Variants in FCGR3A observed in about 807,000 individuals in gnomAD.
The protein encoded by FCGR3A is Fc gamma receptor IIIa, also known as low affinity immunoglobulin gamma Fc region receptor III-A.
A neutral mutation model predicts 24.1 loss-of-function variants in FCGR3A; 13 were observed. The observed-to-expected ratio is 0.54, with a 90% CI of 0.35 to 0.86. The LOEUF is 0.86. Among genes scored for constraint, FCGR3A ranks in the 40% least tolerant of loss-of-function variants. The pLI, the probability that FCGR3A is intolerant of heterozygous loss-of-function variation, is 0.01. For synonymous variants in FCGR3A, 93 were observed against 112.2 expected, an observed-to-expected ratio of 0.83 and a Z score of 1.08; for missense variants, 235 against 298.0, an observed-to-expected ratio of 0.79 and a Z score of 1.56.
rs763344006 is a variant in FCGR3A at position 161,543,005 on chromosome 1, A to AT, written c.*6dup. The AT allele has an allele frequency of 3.7e-6, 6 of 1,605,080 alleles. No homozygotes were observed. The highest frequency in any genetic ancestry group is 2.6e-6 in the Non-Finnish European group (3 of 1,174,478). ...CTACTGCTCTTATTACCCCCATGGGATGGGGGTCATTTGTCTTGAGGGTCC... is the reference window on the plus strand; with the variant it reads ...CTACTGCTCTTATTACCCCCATGGGATTGGGGGTCATTTGTCTTGAGGGTCC... On this transcript the variant is annotated 3_prime_UTR_variant, in exon 5 of 5. Transcript: ENST00000443193.
intron 3 of FCGR3A, among the ~76,000 whole-genome samples, chr1:161,545,959 G>A (rs1297180391): frequency 2.0e-5 from 3 of 152,060 alleles, no homozygotes; most frequent in Non-Finnish European, 2.9e-5. Context: ...GAGTGGGACT[G>A]AAGGACATTT....
intron 3 of FCGR3A, among the ~76,000 whole-genome samples, chr1:161,546,201 T>C (rs554017686): frequency 6.6e-6 from 1 of 152,222 alleles, no homozygotes; most frequent in South Asian, 2.1e-4. Flanking sequence ...CTTCATTACC[T>C]ATTAAGAGAT....
In FCGR3A at chr1:161,548,619, C is replaced by A. The variant is rs143657896; in HGVS notation, c.121G>T (p.Asp41Tyr). ...EPQWYRVLEK[D>Y]SVTLKCQGAY... ...CCCTGGCACTTCAGAGTCACACTGTCCTTCTCGAGCACCCTGTACCATTGA... is the reference window on the plus strand; with the variant it reads ...CCCTGGCACTTCAGAGTCACACTGTACTTCTCGAGCACCCTGTACCATTGA... Residue 41 changes from aspartate (D) to tyrosine (Y), a missense_variant, in exon 3 of 5, where the codon GAC becomes TAC. Transcript: ENST00000443193. The A allele has an allele frequency of 3.5e-5, 57 of 1,613,924 alleles. No homozygotes were observed. The African/African-American group carries it at 7.1e-4, about 20-fold the overall frequency.
At chr1:161,545,055 G>T in intron 3 of FCGR3A, 97 bp from the exon 4 acceptor site, 1 of 1,525,084 alleles carries the variant, frequency 6.6e-7, no homozygotes, top group Non-Finnish European at 8.8e-7. Context: ...AGACATAAGG[G>T]AAAGCCAGAT....
upstream of FCGR3A, chr1:161,549,940 G>T (rs1038242786): frequency 2.3e-5 from 33 of 1,448,436 alleles, no homozygotes; most frequent in Non-Finnish European, 2.9e-5. Context: ...GGACCAGGAA[G>T]GAAAGAGCCT....
Position 161,541,859 on chromosome 1 carries a change from G to A in FCGR3A, c.*1153C>T, listed in dbSNP as rs397686458. ...CTTTATTGGAACCAAGAAATGTTGC[G>A]CTTAAAGCTTACAAAACAGAGACAG... is the stretch of plus-strand genomic sequence containing the variant. On this transcript the variant is annotated 3_prime_UTR_variant, in exon 5 of 5. Transcript: ENST00000443193. 18 of 152,270 alleles carry A rather than the reference G, an allele frequency of 1.2e-4. No homozygotes were observed. The highest frequency in any genetic ancestry group is 1.5e-4 in the Non-Finnish European group (10 of 67,994). The allele number at this position is 152,270 out of a possible 1,614,324, so 9.4% of individuals were successfully genotyped here.
At chr1:161,549,941 G>A (rs1677679239), upstream of FCGR3A, 2 of 1,440,624 alleles carry the variant, frequency 1.4e-6, no homozygotes, top group Non-Finnish European at 1.9e-6. Context: ...GACCAGGAAG[G>A]AAAGAGCCTG....
intron 2 of FCGR3A, 115 bp downstream of exon 2, chr1:161,548,896 C>G: frequency 1.7e-6 from 2 of 1,163,188 alleles, no homozygotes; most frequent in Admixed American, 3.9e-5. Flanking sequence ...GAGGAACTAT[C>G]CCTGCTAACC....
rs535486490 is a variant in FCGR3A at position 161,547,690 on chromosome 1, T to A, written c.319+731A>T. Among the ~76,000 whole-genome samples, 47 of 152,302 alleles carry A rather than the reference T, an allele frequency of 3.1e-4. No homozygotes were observed. In the Middle Eastern group the frequency reaches 0.021, roughly 67 times the overall value. On this transcript the variant is annotated intron_variant, in intron 3 of 4. Coordinates refer to ENST00000443193, the MANE Select transcript of FCGR3A (RefSeq NM_000569.8). ...AAGATATGATGCTAGGCCACTAGGA[T>A]TGCTTTGGGAGGTGGCTTAGGGCAT...
At chr1:161,544,611 C>A in intron 4 of FCGR3A, 90 bp downstream of exon 4, 2 of 1,470,132 alleles carry the variant, frequency 1.4e-6, no homozygotes, top group Non-Finnish European at 1.9e-6. Flanking sequence ...GTGTAAGAAT[C>A]AGGAATCTCC....
upstream of FCGR3A, chr1:161,549,966 G>T (rs906555049): frequency 3.5e-6 from 4 of 1,144,732 alleles, no homozygotes; most frequent in Non-Finnish European, 4.9e-6. Flanking sequence ...CAAGGTGGGT[G>T]GGTCTGCCCC....
chr1:161,544,774 G>A lies in FCGR3A; in HGVS notation c.504C>T (p.Gly168=), dbSNP rs1452264401. ...CAAAAAGCCCCCTGCAGAAGTAGGA[G>A]CCGCTGTCTTTGAGTGTGGCTTTTG... ...YIPKATLKDS[G]SYFCRGLFGS... The change falls in exon 4 of 5, where the codon GGC becomes GGT. Residue 168 remains glycine, a synonymous_variant. Coordinates refer to ENST00000443193, the MANE Select transcript of FCGR3A (RefSeq NM_000569.8). 1.9e-6 allele frequency: 3 copies of A among 1,613,590 alleles called. No homozygotes were observed. Among genetic ancestry groups the A allele is most frequent in the Middle Eastern group, 1.7e-4 (1 of 6,052 alleles).
In FCGR3A at chr1:161,549,696, C is replaced by T; in HGVS notation, c.40+1G>A. 3 of 1,613,682 alleles carry T rather than the reference C, an allele frequency of 1.9e-6. No individual in the cohort carries two copies. In the South Asian group the frequency reaches 3.3e-5, roughly 18 times the overall value. The stretch of plus-strand genomic sequence containing the variant: ...CCTCAACCAGGGAGACCCTGACTTA[C>T]CTAGAAGTAGCAGAGCAGTTGGGAG... On this transcript the variant is annotated splice_donor_variant, in intron 1 of 4. Coordinates refer to ENST00000443193, the MANE Select transcript of FCGR3A (RefSeq NM_000569.8). LOFTEE classifies it high-confidence loss of function.
intron 4 of FCGR3A, 128 bp downstream of exon 4, chr1:161,544,573 C>T: frequency 3.1e-6 from 3 of 978,126 alleles, no homozygotes; most frequent in Non-Finnish European, 3.0e-6. Flanking sequence ...TGGTGATCAC[C>T]AGGAGGGAAC....
chr1:161,543,148 G>A lies in FCGR3A; in HGVS notation c.629C>T (p.Ser210Phe), dbSNP rs1677209128. The A allele has an allele frequency of 1.2e-6, 2 of 1,613,476 alleles. No homozygotes were observed. Among genetic ancestry groups the A allele is most frequent in the East Asian group, 4.5e-5 (2 of 44,880 alleles). The change falls in exon 5 of 5, where the codon TCT becomes TTT. Residue 210 changes from serine to phenylalanine, a missense_variant. Physicochemically the swap from Ser to Phe is radical, Grantham distance 155. Coordinates refer to ENST00000443193, the MANE Select transcript of FCGR3A (RefSeq NM_000569.8). The stretch of plus-strand genomic sequence containing the variant: ...AAGGAGTACCATCACCAAGCAGAAA[G>A]AGACTTGGTACCCAGGTGGAAAGAA... Reference protein sequence around the residue: ...SSFFPPGYQVSFCLVMVLLFA... With the variant: ...SSFFPPGYQVFFCLVMVLLFA...
intron 1 of FCGR3A, 80 bp downstream of exon 1, chr1:161,549,617 C>A: frequency 6.3e-7 from 1 of 1,583,708 alleles, no homozygotes; most frequent in Non-Finnish European, 8.6e-7. Flanking sequence ...GTGGGAGTCT[C>A]ATTCGTAGCC....
At position 161,549,804 on chromosome 1, in the gene FCGR3A, C is replaced by G; in HGVS notation, c.-68G>C. On this transcript the variant is annotated 5_prime_UTR_variant, in exon 1 of 5. Transcript: ENST00000443193. ...CCCTAAAGGGACCAAACCGACTAGA[C>G]AGGAGGAAGTAAACAGCCTTTCCCC... is the stretch of plus-strand genomic sequence containing the variant. 2 of 1,613,862 alleles carry G rather than the reference C, an allele frequency of 1.2e-6. No homozygotes were observed. Among genetic ancestry groups the G allele is most frequent in the Non-Finnish European group, 1.7e-6 (2 of 1,179,890 alleles).
Position 161,544,717 on chromosome 1 carries a change from GTTCACA to G in FCGR3A, c.555_560del (p.Val186_Asn187del). The G allele has an allele frequency of 6.2e-7, 1 of 1,611,558 alleles. No homozygotes were observed. Among genetic ancestry groups the G allele is most frequent in the South Asian group, 1.1e-5 (1 of 90,938 alleles). On this transcript the variant is annotated inframe_deletion, in exon 4 of 5. Coordinates refer to ENST00000443193, the MANE Select transcript of FCGR3A (RefSeq NM_000569.8). ...ATGTCTCACCTTGAGTGATGGTGATGTTCACAGTCTCTGAAGACACATTTTTACTCC... is the reference window on the plus strand; with the variant it reads ...ATGTCTCACCTTGAGTGATGGTGATGGTCTCTGAAGACACATTTTTACTCC...
chr1:161,549,925 G>A, upstream of FCGR3A: 1 of 1,526,066 alleles, frequency 6.6e-7, no homozygotes, highest in Non-Finnish European at 8.9e-7. Context: ...CCCCACCATA[G>A]AACAGGACCA....
Sources: allele counts gnomAD v4.1 joint callset (sites outside exome capture counted in the v4.1 genomes callset), GRCh38; gene constraint gnomAD v4.1.1; transcripts MANE v1.5; gene names NCBI Gene and HGNC (gene_info 2026-07-23, HGNC 2026-07-21).